MCC: variants seen among roughly 807,000 people sequenced by gnomAD.
MCC encodes colorectal mutant cancer protein.
MCC carries 90 observed loss-of-function variants against 116.2 expected under a neutral mutation model. The ratio of observed to expected loss-of-function variants is 0.77; its 90% confidence interval spans 0.65 to 0.92. The LOEUF (loss-of-function observed/expected upper bound fraction) is 0.92, where lower values mean the gene tolerates loss of function less well. Among genes scored for constraint, MCC ranks in the 40% least tolerant of loss-of-function variants. The probability of loss-of-function intolerance (pLI) is 0.00; values close to 1 mark genes in which losing one functional copy is unlikely to be tolerated. For synonymous variants in MCC, 578 were observed against 510.5 expected (o/e 1.13, Z -1.78); for missense variants, 1,516 against 1,312.2 (o/e 1.16, Z -2.40).
At chr5:113,475,563 C>T (rs935239174) in intron 1 of MCC, among the ~76,000 whole-genome samples, 5 of 152,156 alleles carry the variant, frequency 3.3e-5, no homozygotes, top group Admixed American at 2.0e-4. Context: ...GAGAAGCTGA[C>T]AGTTAACTGT....
At chr5:113,096,613 G>A (rs1287355520) in intron 8 of MCC, among the ~76,000 whole-genome samples, 1 of 152,204 alleles carries the variant, frequency 6.6e-6, no homozygotes, top group Non-Finnish European at 1.5e-5. Context: ...CATCTGCCTA[G>A]TTCTGGTCAA....
intron 3 of MCC, among the ~76,000 whole-genome samples, chr5:113,173,455 T>C (rs894918469): frequency 7.9e-5 from 12 of 152,188 alleles, no homozygotes; most frequent in African/African-American, 2.7e-4. Context: ...TCCCCCTTTG[T>C]TTTATTAAAA....
At chr5:113,244,998 T>C (rs937619489) in intron 3 of MCC, among the ~76,000 whole-genome samples, 1 of 152,204 alleles carries the variant, frequency 6.6e-6, no homozygotes, top group Non-Finnish European at 1.5e-5. Flanking sequence ...AGAAGTGCCA[T>C]ATTAAATCAT....
intron 17 of MCC, among the ~76,000 whole-genome samples, chr5:113,030,242 G>C (rs894253581): frequency 6.6e-6 from 1 of 152,152 alleles, no homozygotes; most frequent in Non-Finnish European, 1.5e-5. Flanking sequence ...CAGGAGCACA[G>C]GTTCCTAAAG....
At chr5:113,291,979 TAA>T (rs935938684) in intron 3 of MCC, among the ~76,000 whole-genome samples, 1 of 152,174 alleles carries the variant, frequency 6.6e-6, no homozygotes, top group Non-Finnish European at 1.5e-5. Flanking sequence ...TATTCTAATT[TAA>T]AATATGTACA....
chr5:113,232,321 C>G (rs1763966186), intron 3 of MCC, among the ~76,000 whole-genome samples: 1 of 152,104 alleles, frequency 6.6e-6, no homozygotes, highest in Non-Finnish European at 1.5e-5. Flanking sequence ...GATACTGGGT[C>G]TCAGTGGATT....
At chr5:113,101,163 A>G (rs893942120) in intron 8 of MCC, among the ~76,000 whole-genome samples, 1 of 152,304 alleles carries the variant, frequency 6.6e-6, no homozygotes, top group South Asian at 2.1e-4. Flanking sequence ...ACACATACAC[A>G]TCTGTAAACA....
rs759554394 is a variant in MCC, at chr5:113,102,069, A to G, written c.1192-124T>C. 2.8e-5 allele frequency: 25 copies of G among 881,910 alleles called. 1 individual carries two copies. Among genetic ancestry groups the G allele is most frequent in the Non-Finnish European group, 3.9e-5 (22 of 567,042 alleles). 54.6% of individuals were successfully genotyped at this position (881,910 alleles called of 1,614,324 possible). ...TGTGTTCTAGAACCACTTTGTTATAAATAGTGATCATGACTACAGACACCC... is the reference window on the plus strand; with the variant it reads ...TGTGTTCTAGAACCACTTTGTTATAGATAGTGATCATGACTACAGACACCC... On this transcript the variant is annotated intron_variant, in intron 7 of 18. Coordinates refer to ENST00000408903, the MANE Select transcript of MCC (RefSeq NM_001085377.2).
At chr5:113,159,406 A>G (rs1372633865) in intron 3 of MCC, among the ~76,000 whole-genome samples, 4 of 152,182 alleles carry the variant, frequency 2.6e-5, no homozygotes, top group Non-Finnish European at 5.9e-5. Context: ...AGAATCACAC[A>G]TCGTCTTACC....
chr5:113,115,595 G>C (rs1206028491), intron 6 of MCC, among the ~76,000 whole-genome samples: 2 of 152,026 alleles, frequency 1.3e-5, no homozygotes, highest in Admixed American at 6.6e-5. Flanking sequence ...TGCCCATCTA[G>C]GATCCCCTGC....
intron 3 of MCC, among the ~76,000 whole-genome samples, chr5:113,335,197 T>A (rs1046444960): frequency 6.6e-6 from 1 of 151,644 alleles, no homozygotes; most frequent in African/African-American, 2.4e-5. Context: ...GAAGGAGAAA[T>A]GAAAAGTTCC....
At chr5:113,393,649 G>C (rs998478774) in intron 1 of MCC, among the ~76,000 whole-genome samples, 1 of 152,274 alleles carries the variant, frequency 6.6e-6, no homozygotes, top group Non-Finnish European at 1.5e-5. Context: ...TCACGCTTTG[G>C]CTATGTTTCT....
chr5:113,356,499 T>C (rs1429566711), intron 2 of MCC, among the ~76,000 whole-genome samples: 1 of 151,910 alleles, frequency 6.6e-6, no homozygotes, highest in Non-Finnish European at 1.5e-5. Flanking sequence ...CTTTCACTTA[T>C]CTAAATAGCA....
rs1490067124 is a variant in MCC at position 113,108,335 on chromosome 5, A to T, written c.1028-3980T>A. Among the ~76,000 whole-genome samples, 54 of 45,844 alleles carry T rather than the reference A, an allele frequency of 1.2e-3. 1 individual carries two copies. Among genetic ancestry groups the T allele is most frequent in the African/African-American group, 3.9e-3 (40 of 10,178 alleles). 30.1% of individuals were successfully genotyped at this position (45,844 alleles called of 152,430 possible). A position where few individuals can be genotyped will look rare whatever the true frequency, so the allele number is the denominator to read the frequency against. Reference sequence around the variant, plus strand: ...GCAAGACGCAACACTCTATCTTAAAAAAAAAAAAAAAAAAAAAAAAAAAAA... The same window carrying T: ...GCAAGACGCAACACTCTATCTTAAATAAAAAAAAAAAAAAAAAAAAAAAAA... On this transcript the variant is annotated intron_variant, in intron 6 of 18. Coordinates refer to ENST00000408903, the MANE Select transcript of MCC (RefSeq NM_001085377.2).
chr5:113,331,796 C>T (rs1310307836), intron 3 of MCC, among the ~76,000 whole-genome samples: 1 of 151,200 alleles, frequency 6.6e-6, no homozygotes, highest in Non-Finnish European at 1.5e-5. Flanking sequence ...GCCACCACAA[C>T]CCGGCTAATT....
chr5:113,339,237 AC>A (rs68143313), intron 3 of MCC, among the ~76,000 whole-genome samples: 21,336 of 135,804 alleles, frequency 0.16, 1,950 homozygotes, highest in Non-Finnish European at 0.21. Flanking sequence ...AAAAAAAAAA[AC>A]AAATAGTTTT....
intron 3 of MCC, among the ~76,000 whole-genome samples, chr5:113,283,669 A>G (rs898822058): frequency 1.3e-5 from 2 of 152,172 alleles, no homozygotes; most frequent in African/African-American, 4.8e-5. Flanking sequence ...CCCCCGCAAA[A>G]AGAAAGGCGT....
chr5:113,394,807 C>T (rs1181603487), intron 1 of MCC, among the ~76,000 whole-genome samples: 1 of 152,198 alleles, frequency 6.6e-6, no homozygotes, highest in African/African-American at 2.4e-5. Context: ...TTTATTTTAT[C>T]TCACTTCTAG....
At chr5:113,038,008 CA>C (rs1751435034) in intron 17 of MCC, among the ~76,000 whole-genome samples, 2 of 152,164 alleles carry the variant, frequency 1.3e-5, no homozygotes, top group African/African-American at 4.8e-5. Context: ...GCGGCAGAAT[CA>C]AACTACAGAA....
Sources: allele counts gnomAD v4.1 joint callset (sites outside exome capture counted in the v4.1 genomes callset), GRCh38; gene constraint gnomAD v4.1.1; transcripts MANE v1.5; gene names NCBI Gene and HGNC (gene_info 2026-07-23, HGNC 2026-07-21).